The following ABR variants were observed in gnomAD, a reference collection of about 807,000 sequenced individuals.
The protein encoded by ABR is ABR activator of RhoGEF and GTPase, also known as active breakpoint cluster region-related protein.
In ABR, 35 loss-of-function variants were observed where a neutral mutation model predicts 107.2. The ratio of observed to expected loss-of-function variants is 0.33; its 90% CI spans 0.25 to 0.43. The LOEUF is 0.43. Ranked by LOEUF, ABR falls within the 20% of genes least tolerant of loss-of-function variation. The probability of loss-of-function intolerance (pLI) is 1.00; values close to 1 mark genes in which losing one functional copy is unlikely to be tolerated. For synonymous variants in ABR, 498 were observed against 462.0 expected (o/e 1.08, Z -1.00); for missense variants, 815 against 1,115.2 (o/e 0.73, Z 3.83).
rs999096757 is a variant in ABR at position 1,126,923 on chromosome 17, C to T, written c.62-1556G>A. On this transcript the variant is annotated intron_variant, in intron 1 of 22. Coordinates refer to ENST00000302538, the MANE Select transcript of ABR (RefSeq NM_021962.5). Reference sequence around the variant, plus strand: ...ACCGTCTGTCTCAGGTCTGAGGCTTCAGCCAAGTCCCAGCCAGCCAAGTTC... The same window carrying T: ...ACCGTCTGTCTCAGGTCTGAGGCTTTAGCCAAGTCCCAGCCAGCCAAGTTC... Among the ~76,000 whole-genome samples, 8 of 152,232 alleles carry T rather than the reference C, an allele frequency of 5.3e-5. 1 individual carries two copies. Among genetic ancestry groups the T allele is most frequent in the Non-Finnish European group, 1.2e-4 (8 of 68,044 alleles).
At chr17:1,166,530 C>T (rs111952200) in intron 1 of ABR, among the ~76,000 whole-genome samples, 1 of 152,158 alleles carries the variant, frequency 6.6e-6, no homozygotes, top group Non-Finnish European at 1.5e-5. Flanking sequence ...GGGGAGGCTG[C>T]GGCTGGAGAT....
At position 1,148,620 on chromosome 17, in the gene ABR, C is replaced by T. The variant is rs1294288554; in HGVS notation, c.62-23253G>A. On this transcript the variant is annotated intron_variant, in intron 1 of 22. Transcript: ENST00000302538. This position sits in a 1 kb window ranked among gnomAD's most constrained non-coding sequence, Gnocchi z 4.9. ...CAGCGGCATTAGGTTCTCGTAGGAG[C>T]GTGAGCCCTGTCGTGATCTGCGCGT... Among the ~76,000 whole-genome samples, 2 of 152,210 alleles carry T rather than the reference C, an allele frequency of 1.3e-5. No individual in the cohort carries two copies. Among genetic ancestry groups the T allele is most frequent in the East Asian group, 1.9e-4 (1 of 5,186 alleles).
At chr17:1,021,665 G>C (rs187872776) in intron 16 of ABR, among the ~76,000 whole-genome samples, 3 of 151,704 alleles carry the variant, frequency 2.0e-5, no homozygotes, top group Non-Finnish European at 4.4e-5. Flanking sequence ...TTAGCCAGGC[G>C]TGGTGGCGGG....
At chr17:1,090,614 C>T (rs1284505661) in intron 4 of ABR, among the ~76,000 whole-genome samples, 1 of 152,158 alleles carries the variant, frequency 6.6e-6, no homozygotes, top group African/African-American at 2.4e-5. Flanking sequence ...ACGCCGGAGG[C>T]AGGGAGCTCA....
chr17:1,048,695 A>G (rs979279437), intron 16 of ABR, among the ~76,000 whole-genome samples: 2 of 144,752 alleles, frequency 1.4e-5, no homozygotes, highest in African/African-American at 2.7e-5. Context: ...CTCCGGGGCC[A>G]CGGTCAAGAA....
intron 1 of ABR, among the ~76,000 whole-genome samples, chr17:1,168,231 A>G (rs1204310584): frequency 6.6e-6 from 1 of 152,188 alleles, no homozygotes; most frequent in African/African-American, 2.4e-5. Flanking sequence ...AGTTGCAGTG[A>G]GCACTGCAGA....
chr17:1,090,274 G>T lies in ABR; in HGVS notation c.531+1391C>A, dbSNP rs539476734. Among the ~76,000 whole-genome samples, 975 of 152,302 alleles carry T rather than the reference G, an allele frequency of 6.4e-3. 9 individuals are homozygous for T. The highest frequency in any genetic ancestry group is 0.021 in the African/African-American group (870 of 41,560). ...AGCTGCCAAGGCTGGGGCTGGACAC[G>T]GGTCAGTGTGCAAAGGGTCTCTCGA... On this transcript the variant is annotated intron_variant, in intron 4 of 22. Coordinates refer to ENST00000302538, the MANE Select transcript of ABR (RefSeq NM_021962.5).
At chr17:1,199,458 G>A (rs1195960294) in intron 1 of ABR, among the ~76,000 whole-genome samples, 1 of 150,204 alleles carries the variant, frequency 6.7e-6, no homozygotes. Context: ...GAGTGCAGTG[G>A]TGCAATCACA....
intron 2 of ABR, among the ~76,000 whole-genome samples, chr17:1,114,393 C>T (rs2038885292): frequency 6.6e-6 from 1 of 151,200 alleles, no homozygotes; most frequent in South Asian, 2.1e-4. Context: ...TTCCTTGAAT[C>T]CGGGAGGCAG....
intron 1 of ABR, among the ~76,000 whole-genome samples, chr17:1,164,466 G>T: frequency 6.7e-6 from 1 of 148,332 alleles, no homozygotes; most frequent in Non-Finnish European, 1.5e-5. Context: ...TGGGACCCTG[G>T]CAAAGTGTCA....
chr17:1,168,809 T>C (rs779495968), intron 1 of ABR, among the ~76,000 whole-genome samples: 2 of 152,210 alleles, frequency 1.3e-5, no homozygotes, highest in Non-Finnish European at 2.9e-5. Context: ...GTGCGTTCCA[T>C]CCTTTCTTCC....
At chr17:1,012,613 G>T in intron 18 of ABR, 75 bp downstream of exon 18, 1 of 1,113,278 alleles carries the variant, frequency 9.0e-7, no homozygotes, top group Non-Finnish European at 1.3e-6. Context: ...CACCGGCGGG[G>T]AGGGCTGGGG....
rs1403155379 is a variant in ABR, at chr17:1,003,625, C to CA, written c.*2454dup. 4.6e-5 allele frequency: 7 copies of CA among 152,516 alleles called. No individual in the cohort carries two copies. In the East Asian group the frequency reaches 5.8e-4, roughly 13 times the overall value. 9.4% of individuals were successfully genotyped at this position (152,516 alleles called of 1,614,324 possible). A position where few individuals can be genotyped will look rare whatever the true frequency, so the allele number is the denominator to read the frequency against. On this transcript the variant is annotated 3_prime_UTR_variant, in exon 23 of 23. Transcript: ENST00000302538. ...TACATAAGTTGAAACAGAACATAGACAAAAAAATATATCCTTACCAACTTA... is the reference window on the plus strand; with the variant it reads ...TACATAAGTTGAAACAGAACATAGACAAAAAAAATATATCCTTACCAACTTA...
intron 1 of ABR, among the ~76,000 whole-genome samples, chr17:1,195,333 G>T (rs1237564477): frequency 6.8e-6 from 1 of 147,644 alleles, no homozygotes; most frequent in Non-Finnish European, 1.5e-5. Context: ...TGGCCTCAAA[G>T]GATCCTCCCA....
chr17:1,132,794 G>T (rs1415236170), intron 1 of ABR, among the ~76,000 whole-genome samples: 1 of 152,170 alleles, frequency 6.6e-6, no homozygotes, highest in Non-Finnish European at 1.5e-5. Context: ...GCATTAAAAA[G>T]AATGTTAACC....
intron 16 of ABR, among the ~76,000 whole-genome samples, chr17:1,039,827 C>T (rs1429477256): frequency 4.6e-5 from 7 of 152,158 alleles, no homozygotes; most frequent in African/African-American, 1.7e-4. Flanking sequence ...GGAGCCGAGG[C>T]GGGGCCTGAC....
chr17:1,167,867 A>G (rs975716093), intron 1 of ABR, among the ~76,000 whole-genome samples: 1 of 152,192 alleles, frequency 6.6e-6, no homozygotes, highest in Non-Finnish European at 1.5e-5. Context: ...AAACAACACG[A>G]TATCGGCCGG....
intron 3 of ABR, among the ~76,000 whole-genome samples, chr17:1,093,129 C>T (rs1441863106): frequency 6.6e-6 from 1 of 150,980 alleles, no homozygotes; most frequent in African/African-American, 2.4e-5. Flanking sequence ...CCAGCCATGT[C>T]GGATTCTGTT....
chr17:1,139,417 A>G (rs2040205711), intron 1 of ABR, among the ~76,000 whole-genome samples: 1 of 151,854 alleles, frequency 6.6e-6, no homozygotes. Context: ...ATGCCCGGCT[A>G]ATTTTTTTGT....
Sources: gnomAD v4.1 joint callset for allele counts (sites outside exome capture counted in the v4.1 genomes callset) on GRCh38, gnomAD v4.1.1 for gene constraint, Gnocchi (gnomAD v3.1) non-coding constraint, MANE v1.5 for transcripts, NCBI Gene and HGNC (gene_info 2026-07-23, HGNC 2026-07-21) for gene names.